IFITM10: variants seen among roughly 807,000 people sequenced by gnomAD.
IFITM10 encodes interferon-induced transmembrane protein 10.
In IFITM10, 17 loss-of-function variants were observed where a neutral mutation model predicts 19.0. The ratio of observed to expected loss-of-function variants is 0.90; its 90% CI spans 0.61 to 1.34. IFITM10 has a LOEUF of 1.34. IFITM10 is among the 40% of genes most tolerant of loss of function. The probability of loss-of-function intolerance (pLI) is 0.00; values close to 1 mark genes in which losing one functional copy is unlikely to be tolerated. For synonymous variants in IFITM10, 148 were observed against 147.2 expected (o/e 1.01, Z -0.04); for missense variants, 306 against 319.8 (o/e 0.96, Z 0.33).
intron 2 of IFITM10, among the ~76,000 whole-genome samples, chr11:1,743,091 T>G (rs1257877979): frequency 7.1e-6 from 1 of 140,894 alleles, no homozygotes; most frequent in Non-Finnish European, 1.5e-5. Flanking sequence ...GGAGGATGGA[T>G]GGAGGATGGA....
chr11:1,736,748 T>C (rs902686016), intron 2 of IFITM10, among the ~76,000 whole-genome samples: 1 of 147,292 alleles, frequency 6.8e-6, no homozygotes, highest in African/African-American at 2.6e-5. Context: ...GTGGAGTGGA[T>C]GGAATGGATG....
chr11:1,749,380 C>A (rs1386736575), intron 1 of IFITM10, among the ~76,000 whole-genome samples: 1 of 151,914 alleles, frequency 6.6e-6, no homozygotes, highest in African/African-American at 2.4e-5. Flanking sequence ...AGGGTGTCCG[C>A]GCCACCTCCA....
chr11:1,741,781 C>A (rs1845572834), intron 2 of IFITM10, among the ~76,000 whole-genome samples: 2 of 152,196 alleles, frequency 1.3e-5, no homozygotes, highest in Admixed American at 1.3e-4. Context: ...CTGTTCATGT[C>A]CCCCAAATTC....
In IFITM10 at chr11:1,735,170, G is replaced by T; in HGVS notation, c.*110C>A. On this transcript the variant is annotated 3_prime_UTR_variant, in exon 3 of 3. Transcript: ENST00000340134. ...CAGTTCACAGCTCAAGGGGGCCCCA[G>T]GACAAGAAGCCCTGCCCTGCCCCAA... The T allele has an allele frequency of 7.9e-7, 1 of 1,265,736 alleles. No homozygotes were observed. The highest frequency in any genetic ancestry group is 1.1e-6 in the Non-Finnish European group (1 of 922,828). 78.4% of individuals were successfully genotyped at this position (1,265,736 alleles called of 1,614,324 possible). A position where few individuals can be genotyped will look rare whatever the true frequency, so the allele number is the denominator to read the frequency against.
At position 1,747,740 on chromosome 11, in the gene IFITM10, A is replaced by G; in HGVS notation, c.464T>C (p.Leu155Pro). 6.4e-7 allele frequency: 1 copy of G among 1,551,814 alleles called. No individual in the cohort carries two copies. Among genetic ancestry groups the G allele is most frequent in the East Asian group, 2.4e-5 (1 of 40,920 alleles). ...GTAGACGAAGTTGAAGATGGACCAC[A>G]GGTAATAGTCGTTCACCTCGGTGGT... ...PDTTEVNDYY[L>P]WSIFNFVYLN... Residue 155 changes from leucine to proline, a missense_variant, in exon 2 of 3, where the codon CTG becomes CCG. Physicochemically the swap from Leu to Pro is moderately conservative, Grantham distance 98. Transcript: ENST00000340134.
At chr11:1,739,745 T>G (rs746446107) in intron 2 of IFITM10, among the ~76,000 whole-genome samples, 1 of 151,880 alleles carries the variant, frequency 6.6e-6, no homozygotes, top group African/African-American at 2.4e-5. Context: ...ATCGGAAGAA[T>G]GTGACAGACT....
In IFITM10 at chr11:1,734,851, C is replaced by T. The variant is rs146631497; in HGVS notation, c.*429G>A. On this transcript the variant is annotated 3_prime_UTR_variant, in exon 3 of 3. Transcript: ENST00000340134. The stretch of plus-strand genomic sequence containing the variant: ...AGTTCACAGACACAAGGGCTCTGAG[C>T]GGGGTCACATCGTGGAGGAGGCAGG... 113 of 175,490 alleles carry T rather than the reference C, an allele frequency of 6.4e-4. No homozygotes were observed. The highest frequency in any genetic ancestry group is 1.1e-3 in the Non-Finnish European group (94 of 83,658). The allele number at this position is 175,490 out of a possible 1,614,324, so 10.9% of individuals were successfully genotyped here.
intron 1 of IFITM10, among the ~76,000 whole-genome samples, chr11:1,749,915 CCA>C (rs1845698179): frequency 6.6e-6 from 1 of 152,112 alleles, no homozygotes; most frequent in Non-Finnish European, 1.5e-5. Flanking sequence ...CAGTTCACTC[CCA>C]GAGTCTGGGA....
intron 2 of IFITM10, among the ~76,000 whole-genome samples, chr11:1,747,149 G>A (rs984714728): frequency 6.6e-6 from 1 of 152,088 alleles, no homozygotes; most frequent in Non-Finnish European, 1.5e-5. Flanking sequence ...CCCAGGTCTG[G>A]TCTCCACGCA....
intron 2 of IFITM10, among the ~76,000 whole-genome samples, chr11:1,736,329 C>T (rs894094601): frequency 8.6e-5 from 13 of 152,032 alleles, no homozygotes; most frequent in African/African-American, 1.9e-4. Flanking sequence ...AGACCTAGGT[C>T]GGAAGACTGG....
intron 1 of IFITM10, chr11:1,749,043 G>A (rs1437850026): frequency 5.4e-6 from 6 of 1,108,670 alleles, no homozygotes. Flanking sequence ...CGCGCGGCCG[G>A]ACCCCCTGAG....
chr11:1,739,002 T>C (rs2133642092), intron 2 of IFITM10, among the ~76,000 whole-genome samples: 1 of 130,226 alleles, frequency 7.7e-6, no homozygotes, highest in African/African-American at 3.0e-5. Flanking sequence ...TGCAGTGAGC[T>C]GAGATCGTGC....
chr11:1,738,916 C>T (rs1304055686), intron 2 of IFITM10, among the ~76,000 whole-genome samples: 2 of 151,852 alleles, frequency 1.3e-5, no homozygotes, highest in Non-Finnish European at 2.9e-5. Flanking sequence ...AAAAAATTAG[C>T]AGGGGCAGGC....
intron 1 of IFITM10, 164 bp from the exon 2 acceptor site, chr11:1,748,283 G>A (rs1413556749): frequency 2.0e-6 from 1 of 491,444 alleles, no homozygotes; most frequent in South Asian, 6.9e-5. Context: ...GGGCCTCGGC[G>A]GCCACGGACG....
chr11:1,738,005 T>G, intron 2 of IFITM10, among the ~76,000 whole-genome samples: 1 of 151,598 alleles, frequency 6.6e-6, no homozygotes, highest in Non-Finnish European at 1.5e-5. Context: ...GCATAGAAAA[T>G]GGCGGCCACA....
At chr11:1,747,445 G>T (rs1237744134) in intron 2 of IFITM10, among the ~76,000 whole-genome samples, 1 of 151,728 alleles carries the variant, frequency 6.6e-6, no homozygotes, top group African/African-American at 2.4e-5. Context: ...GGAGAGGGAA[G>T]GGCAGACCCC....
At position 1,748,132 on chromosome 11, in the gene IFITM10, A is replaced by C; in HGVS notation, c.85-13T>G. 7.4e-7 allele frequency: 1 copy of C among 1,350,364 alleles called. No individual in the cohort carries two copies. Among genetic ancestry groups the C allele is most frequent in the Admixed American group, 3.6e-5 (1 of 27,792 alleles). 83.6% of individuals were successfully genotyped at this position (1,350,364 alleles called of 1,614,324 possible). ...CGGGGCCCTGGGCCTGGAGAGGAGA[A>C]AGTGAGAGCAAGCTGGGCCCGGCCT... is the stretch of plus-strand genomic sequence containing the variant. On this transcript the variant is annotated splice_polypyrimidine_tract_variant and intron_variant, in intron 1 of 2. Transcript: ENST00000340134.
chr11:1,749,043 G>T (rs1437850026), intron 1 of IFITM10: 4 of 1,108,670 alleles, frequency 3.6e-6, no homozygotes, highest in Non-Finnish European at 2.2e-6. Flanking sequence ...CGCGCGGCCG[G>T]ACCCCCTGAG....
Position 1,749,201 on chromosome 11 carries a change from G to C in IFITM10, c.85-1082C>G, listed in dbSNP as rs923438823. The C allele has an allele frequency of 9.4e-6, 6 of 635,538 alleles. No individual in the cohort carries two copies. The African/African-American group carries it at 1.2e-4, about 13-fold the overall frequency. The allele number at this position is 635,538 out of a possible 1,614,324, so 39.4% of individuals were successfully genotyped here. A position where few individuals can be genotyped will look rare whatever the true frequency, so the allele number is the denominator to read the frequency against. On this transcript the variant is annotated intron_variant, in intron 1 of 2. Coordinates refer to ENST00000340134, the MANE Select transcript of IFITM10 (RefSeq NM_001170820.4). ...CCCCGCCGCCTGCGCTCCCTCCGCA[G>C]CGCCAGACCGGCCGCGCGGCTGCAG...
Sources: gnomAD v4.1 joint callset for allele counts (sites outside exome capture counted in the v4.1 genomes callset) on GRCh38, gnomAD v4.1.1 for gene constraint, MANE v1.5 for transcripts, NCBI Gene and HGNC (gene_info 2026-07-23, HGNC 2026-07-21) for gene names.